Variants in UNC5B observed in about 807,000 individuals in gnomAD.
UNC5B encodes the protein unc-5 netrin receptor B.
UNC5B carries 56 observed loss-of-function variants against 103.7 expected under a neutral mutation model. That is an observed-to-expected ratio of 0.54 (90% CI 0.44 to 0.67). UNC5B has a LOEUF of 0.67. Ranked by LOEUF, UNC5B falls within the 30% of genes least tolerant of loss-of-function variation. The pLI, the probability that UNC5B is intolerant of heterozygous loss-of-function variation, is 0.00. For missense variants in UNC5B, 1,194 were observed against 1,284.5 expected (o/e 0.93, Z 1.08); for synonymous variants, 577 against 542.0 (o/e 1.06, Z -0.90).
chr10:71,285,065 T>C (rs892656571), intron 3 of UNC5B, among the ~76,000 whole-genome samples: 3 of 152,152 alleles, frequency 2.0e-5, no homozygotes, highest in Non-Finnish European at 2.9e-5. Context: ...TCTACTTCTG[T>C]ATAAAAGAAG....
intron 5 of UNC5B, 53 bp downstream of exon 5, chr10:71,286,922 G>A: frequency 6.3e-7 from 1 of 1,591,672 alleles, no homozygotes; most frequent in Non-Finnish European, 8.6e-7. Flanking sequence ...AGGGAGGAGA[G>A]AGCCTGGGGG....
At chr10:71,227,273 T>A (rs1439832474) in intron 1 of UNC5B, among the ~76,000 whole-genome samples, 1 of 152,120 alleles carries the variant, frequency 6.6e-6, no homozygotes, top group African/African-American at 2.4e-5. Context: ...GTGTGAGCCA[T>A]CGCACCCAGC....
At chr10:71,257,469 G>A (rs567412927) in intron 1 of UNC5B, among the ~76,000 whole-genome samples, 1 of 152,352 alleles carries the variant, frequency 6.6e-6, no homozygotes, top group African/African-American at 2.4e-5. Flanking sequence ...TAGGTTGCTA[G>A]TGCCTCAGTG....
intron 1 of UNC5B, among the ~76,000 whole-genome samples, chr10:71,226,870 A>G (rs1000803923): frequency 2.0e-5 from 3 of 152,230 alleles, no homozygotes; most frequent in African/African-American, 7.2e-5. Flanking sequence ...GAATTAAGGG[A>G]TACTTTTCAG....
rs1228667650 is a variant in UNC5B at position 71,291,168 on chromosome 10, G to A, written c.1294+59G>A. Reference sequence around the variant, plus strand: ...GAGGCAGGATACCCAGAGGGCTCTGGTGGTACCCAGACCAGAGCCAGGCTC... The same window carrying A: ...GAGGCAGGATACCCAGAGGGCTCTGATGGTACCCAGACCAGAGCCAGGCTC... On this transcript the variant is annotated intron_variant, in intron 9 of 16. Coordinates refer to ENST00000335350, the MANE Select transcript of UNC5B (RefSeq NM_170744.5). 5.8e-6 allele frequency: 9 copies of A among 1,562,688 alleles called. 1 individual carries two copies. In the South Asian group the frequency reaches 1.1e-4, roughly 19 times the overall value.
chr10:71,240,507 C>T (rs574466953), intron 1 of UNC5B, among the ~76,000 whole-genome samples: 7 of 152,352 alleles, frequency 4.6e-5, no homozygotes, highest in South Asian at 2.1e-4. Flanking sequence ...AGGGTGGACA[C>T]GGGTGATGAG....
Position 71,299,352 on chromosome 10 carries a change from G to A in UNC5B, c.*75G>A. Reference sequence around the variant, plus strand: ...GAGGCCTGGGGCAGCCTCCTGATGGGGATGTTTGGCCTCTGCTTCCTCCCA... The same window carrying A: ...GAGGCCTGGGGCAGCCTCCTGATGGAGATGTTTGGCCTCTGCTTCCTCCCA... On this transcript the variant is annotated 3_prime_UTR_variant, in exon 17 of 17. Coordinates refer to ENST00000335350, the MANE Select transcript of UNC5B (RefSeq NM_170744.5). 3.2e-6 allele frequency: 5 copies of A among 1,569,420 alleles called. No individual in the cohort carries two copies. The highest frequency in any genetic ancestry group is 4.3e-6 in the Non-Finnish European group (5 of 1,157,852).
chr10:71,256,243 C>A (rs1844287499), intron 1 of UNC5B, among the ~76,000 whole-genome samples: 1 of 152,182 alleles, frequency 6.6e-6, no homozygotes, highest in South Asian at 2.1e-4. Context: ...ACCCGCCACA[C>A]CCCTATGCTG....
At chr10:71,243,611 T>G (rs1236534199) in intron 1 of UNC5B, among the ~76,000 whole-genome samples, 4 of 152,160 alleles carry the variant, frequency 2.6e-5, no homozygotes, top group Admixed American at 2.6e-4. Flanking sequence ...CAGCCAGGGT[T>G]AGTTCCCTTC....
chr10:71,223,672 G>C (rs371084466), intron 1 of UNC5B, among the ~76,000 whole-genome samples: 4 of 152,214 alleles, frequency 2.6e-5, no homozygotes, highest in Non-Finnish European at 2.9e-5. Context: ...GTACTTATCT[G>C]CAAGGTGGCC....
chr10:71,228,310 A>G (rs755818212), intron 1 of UNC5B, among the ~76,000 whole-genome samples: 5 of 152,154 alleles, frequency 3.3e-5, no homozygotes, highest in Admixed American at 6.6e-5. Context: ...CTTTCTAACT[A>G]TGACTTAAGA....
At chr10:71,288,035 A>T (rs1174837203) in intron 6 of UNC5B, among the ~76,000 whole-genome samples, 1 of 152,086 alleles carries the variant, frequency 6.6e-6, no homozygotes, top group Non-Finnish European at 1.5e-5. Flanking sequence ...CTCCAAGCTG[A>T]GGGTTCTCAG....
chr10:71,225,809 G>C (rs1253005772), intron 1 of UNC5B, among the ~76,000 whole-genome samples: 2 of 141,150 alleles, frequency 1.4e-5, no homozygotes, highest in Admixed American at 1.4e-4. Flanking sequence ...AAGTTGGAAG[G>C]GGACATGGGT....
At position 71,293,697 on chromosome 10, in the gene UNC5B, C is replaced by T; in HGVS notation, c.1942-3C>T. 1.3e-6 allele frequency: 2 copies of T among 1,593,244 alleles called. No individual in the cohort carries two copies. Among genetic ancestry groups the T allele is most frequent in the Non-Finnish European group, 1.7e-6 (2 of 1,169,330 alleles). On this transcript the variant is annotated splice_region_variant and splice_polypyrimidine_tract_variant and intron_variant, in intron 12 of 16. Transcript: ENST00000335350. ...ACTACCCCACCCTTGCTGTCCCCTA[C>T]AGGAGGTGGTGACCCTGGATGAGGA...
Position 71,291,633 on chromosome 10 carries a change from G to A in UNC5B, c.1496G>A (p.Gly499Glu). Residue 499 changes from glycine (G) to glutamate (E), a missense_variant, in exon 10 of 17, where the codon GGG (glycine) becomes GAG (glutamate). Coordinates refer to ENST00000335350, the MANE Select transcript of UNC5B (RefSeq NM_170744.5). ...GGCTCTGGGCCAGGCCTGGCAGATG[G>A]GGCTGACCTGCTGGGGGTCTTGCCG... ...TTGSGPGLAD[G>E]ADLLGVLPPG... 1 of 1,613,964 alleles carries A rather than the reference G, an allele frequency of 6.2e-7. No individual in the cohort carries two copies. Among genetic ancestry groups the A allele is most frequent in the Non-Finnish European group, 8.5e-7 (1 of 1,180,042 alleles).
Position 71,291,811 on chromosome 10 carries a change from C to G in UNC5B, c.1674C>G (p.Ile558Met), listed in dbSNP as rs150945696. The G allele has an allele frequency of 5.3e-4, 847 of 1,596,624 alleles. 10 individuals carry two copies. The East Asian group carries it at 0.017, about 32-fold the overall frequency. ...TFGCLGGRLS[I>M]PGTGVSLLVP... is the part of the protein sequence containing the mutation. Reference sequence around the variant, plus strand: ...GCTGCCTGGGTGGGAGGCTCAGCATCCCCGGCACAGGTGAGCCCCTGCCCT... The same window carrying G: ...GCTGCCTGGGTGGGAGGCTCAGCATGCCCGGCACAGGTGAGCCCCTGCCCT... Residue 558 changes from isoleucine to methionine, a missense_variant, in exon 10 of 17, where the codon ATC (isoleucine) becomes ATG (methionine). Ile to Met is a conservative substitution (Grantham distance 10, BLOSUM62 1). Coordinates refer to ENST00000335350, the MANE Select transcript of UNC5B (RefSeq NM_170744.5).
At chr10:71,224,371 A>ATG (rs1843517460) in intron 1 of UNC5B, among the ~76,000 whole-genome samples, 2 of 101,640 alleles carry the variant, frequency 2.0e-5, no homozygotes, top group African/African-American at 7.7e-5. Flanking sequence ...GTAGACACAC[A>ATG]CACACACACA....
chr10:71,236,260 C>G (rs1235548229), intron 1 of UNC5B, among the ~76,000 whole-genome samples: 1 of 152,246 alleles, frequency 6.6e-6, no homozygotes, highest in Non-Finnish European at 1.5e-5. Flanking sequence ...TGGGCAAAGC[C>G]TGGGCAGTTG....
chr10:71,296,567 T>C lies in UNC5B; in HGVS notation c.2326-11T>C. The C allele has an allele frequency of 1.2e-6, 2 of 1,613,132 alleles. No individual in the cohort carries two copies. Among genetic ancestry groups the C allele is most frequent in the Non-Finnish European group, 1.7e-6 (2 of 1,179,804 alleles). ...CCTTGCCTGCCTGGTCCTGACCCCC[T>C]CCTCCTGCAGGAGATCCCCTTCTAT... On this transcript the variant is annotated splice_polypyrimidine_tract_variant and intron_variant, in intron 14 of 16. Transcript: ENST00000335350.
Sources: allele counts gnomAD v4.1 joint callset (sites outside exome capture counted in the v4.1 genomes callset), GRCh38; gene constraint gnomAD v4.1.1; transcripts MANE v1.5; gene names NCBI Gene and HGNC (gene_info 2026-07-23, HGNC 2026-07-21).